The following SOCS7 variants were observed in gnomAD, a reference collection of about 807,000 sequenced individuals.
The protein encoded by SOCS7 is NAP-4.
SOCS7 carries 18 observed loss-of-function variants against 58.9 expected under a neutral mutation model. That is an observed-to-expected ratio of 0.31 (90% CI 0.21 to 0.45). The LOEUF (loss-of-function observed/expected upper bound fraction) is 0.45. SOCS7 is among the 20% of genes least tolerant of loss of function. The pLI is 1.00. For missense variants in SOCS7, 667 were observed against 837.3 expected (o/e 0.80, Z 2.51); for synonymous variants, 388 against 364.3 (o/e 1.06, Z -0.74).
chr17:38,352,730 G>A lies in SOCS7; in HGVS notation c.678G>A (p.Val226=). The change falls in exon 1 of 10, where the codon GTG becomes GTA. Residue 226 remains valine, a synonymous_variant. Transcript: ENST00000612932. The surrounding 1 kb of genome is among the most constrained non-coding windows in gnomAD (Gnocchi z 5.5). ...CCCCAGGCCCTGAATTACCTCCGGT[G>A]CCCTTCCCGCTGCAGGACTTGGTCC... The part of the protein sequence containing the change: ...LQPPGPELPP[V]PFPLQDLVPL... 1 of 1,549,964 alleles carries A rather than the reference G, an allele frequency of 6.5e-7. No individual in the cohort carries two copies. The highest frequency in any genetic ancestry group is 8.7e-7 in the Non-Finnish European group (1 of 1,146,926).
chr17:38,393,830 G>A (rs2038209057), intron 7 of SOCS7, among the ~76,000 whole-genome samples: 1 of 146,844 alleles, frequency 6.8e-6, no homozygotes, highest in East Asian at 2.1e-4. Context: ...AACCCGGGAG[G>A]CAGAGCTTGT....
chr17:38,398,331 C>T (rs2038271111), intron 9 of SOCS7, among the ~76,000 whole-genome samples: 1 of 150,102 alleles, frequency 6.7e-6, no homozygotes, highest in Non-Finnish European at 1.5e-5. Flanking sequence ...CAACCTCCAT[C>T]TCCCGGGTTC....
chr17:38,381,260 C>T (rs2037996918), intron 7 of SOCS7, among the ~76,000 whole-genome samples: 1 of 152,184 alleles, frequency 6.6e-6, no homozygotes, highest in East Asian at 1.9e-4. Context: ...AGGATAGGGC[C>T]AAAGAAGACA....
chr17:38,372,936 A>G (rs1597695833), intron 6 of SOCS7, among the ~76,000 whole-genome samples: 1 of 152,056 alleles, frequency 6.6e-6, no homozygotes, highest in African/African-American at 2.4e-5. Context: ...GAGAAACCCC[A>G]TCTCTACTAA....
chr17:38,395,185 C>G (rs2038229188), intron 7 of SOCS7, 124 bp from the exon 8 acceptor site: 3 of 924,130 alleles, frequency 3.2e-6, no homozygotes, highest in Non-Finnish European at 4.8e-6. Flanking sequence ...GGGGCTTTTG[C>G]ACAGAATACA....
intron 2 of SOCS7, among the ~76,000 whole-genome samples, chr17:38,362,833 G>A (rs587601900): frequency 2.0e-5 from 3 of 152,272 alleles, no homozygotes; most frequent in African/African-American, 7.2e-5. Flanking sequence ...GCTTGGTCAC[G>A]GTCACGGTGG....
intron 1 of SOCS7, among the ~76,000 whole-genome samples, chr17:38,357,737 G>T (rs2037659313): frequency 6.6e-6 from 1 of 152,202 alleles, no homozygotes; most frequent in South Asian, 2.1e-4. Flanking sequence ...GAGGTACATT[G>T]GAGCCATAAA....
chr17:38,377,609 A>C, intron 6 of SOCS7, 105 bp from the exon 7 acceptor site: 2 of 1,089,164 alleles, frequency 1.8e-6, no homozygotes, highest in Non-Finnish European at 1.3e-6. Flanking sequence ...CTTGCCCCCA[A>C]ACTGCCCTCC....
chr17:38,375,685 C>T (rs1230409688), intron 6 of SOCS7, among the ~76,000 whole-genome samples: 1 of 151,938 alleles, frequency 6.6e-6, no homozygotes, highest in Non-Finnish European at 1.5e-5. Context: ...GATGTTGGGC[C>T]ATTGGGATAG....
intron 2 of SOCS7, among the ~76,000 whole-genome samples, chr17:38,362,776 A>G (rs587649175): frequency 1.3e-5 from 2 of 152,296 alleles, no homozygotes; most frequent in Admixed American, 1.3e-4. Context: ...TTGCGATACC[A>G]TGTCTTTCTA....
chr17:38,352,665 G>C lies in SOCS7; in HGVS notation c.613G>C (p.Gly205Arg). ...CTCGGAAGAGGAGCTCAGCAGCCCG[G>C]GTCGCGGAGGAGGAGGGGGCGGCCG... ...SCSEEELSSPGRGGGGGGRLL... is the reference protein window; with the variant it reads ...SCSEEELSSPRRGGGGGGRLL... Residue 205 changes from glycine to arginine, a missense_variant, in exon 1 of 10, where the codon GGT (glycine) becomes CGT (arginine). Physicochemically the swap from Gly to Arg is moderately radical, Grantham distance 125. Transcript: ENST00000612932. The surrounding 1 kb of genome is among the most constrained non-coding windows in gnomAD (Gnocchi z 5.5). 1.3e-6 allele frequency: 2 copies of C among 1,549,986 alleles called. No individual in the cohort carries two copies. The highest frequency in any genetic ancestry group is 1.7e-6 in the Non-Finnish European group (2 of 1,146,854).
chr17:38,361,122 T>C (rs1040190646), intron 1 of SOCS7, among the ~76,000 whole-genome samples: 3 of 152,144 alleles, frequency 2.0e-5, no homozygotes, highest in Non-Finnish European at 4.4e-5. Context: ...TCTTGGATGC[T>C]AGGCAGAGCC....
Position 38,352,100 on chromosome 17 carries a change from T to G in SOCS7, c.48T>G (p.Ala16=). Residue 16 remains alanine, a synonymous_variant, in exon 1 of 10, where the codon GCT becomes GCG. Transcript: ENST00000612932. The surrounding 1 kb of genome is among the most constrained non-coding windows in gnomAD (Gnocchi z 5.5). ...ATGGCGAGGCGGCGGCGGCGGCCGC[T>G]TCGTACCGCGTCCTGAGCCGCCTCC... ...LRDGEAAAAA[A]SYRVLSRLLG... 12 of 555,040 alleles carry G rather than the reference T, an allele frequency of 2.2e-5. No individual in the cohort carries two copies. Among genetic ancestry groups the G allele is most frequent in the East Asian group, 1.3e-4 (2 of 15,106 alleles). The allele number at this position is 555,040 out of a possible 1,614,324, so 34.4% of individuals were successfully genotyped here.
intron 7 of SOCS7, among the ~76,000 whole-genome samples, chr17:38,383,229 T>C (rs1032394709): frequency 6.6e-6 from 1 of 152,160 alleles, no homozygotes; most frequent in Non-Finnish European, 1.5e-5. Flanking sequence ...ATGGGGATGA[T>C]TATAGTACCT....
Position 38,377,762 on chromosome 17 carries a change from C to A in SOCS7, c.1601C>A (p.Ser534Tyr). The A allele has an allele frequency of 6.2e-7, 1 of 1,613,064 alleles. No homozygotes were observed. ...CHPKFEDRCQ[S>Y]VVEFIKRAIM... is the part of the protein sequence containing the mutation. Reference sequence around the variant, plus strand: ...CCCAAGTTTGAGGACCGCTGTCAATCTGTTGTAGAGTTTATTAAGAGAGCC... The same window carrying A: ...CCCAAGTTTGAGGACCGCTGTCAATATGTTGTAGAGTTTATTAAGAGAGCC... Residue 534 changes from serine (S) to tyrosine (Y), a missense_variant, in exon 7 of 10, where the codon TCT (serine) becomes TAT (tyrosine). This residue lies in a region of SOCS7 where 76 missense variants were observed against 194.5 expected (regional missense o/e 0.39). Transcript: ENST00000612932.
rs1302000279 is a variant in SOCS7, at chr17:38,403,762, G to A, written c.*4280G>A. On this transcript the variant is annotated 3_prime_UTR_variant, in exon 10 of 10. Coordinates refer to ENST00000612932, the MANE Select transcript of SOCS7 (RefSeq NM_014598.4). ...ATGTAAGGGAGGAGCTATTGAGTTAGACATTTTCCCTATGGGAATCCTCGG... is the reference window on the plus strand; with the variant it reads ...ATGTAAGGGAGGAGCTATTGAGTTAAACATTTTCCCTATGGGAATCCTCGG... 1 of 152,170 alleles carries A rather than the reference G, an allele frequency of 6.6e-6. No individual in the cohort carries two copies. The highest frequency in any genetic ancestry group is 2.4e-5 in the African/African-American group (1 of 41,442). 9.4% of individuals were successfully genotyped at this position (152,170 alleles called of 1,614,324 possible).
At chr17:38,363,614 T>C (rs1271155685) in intron 2 of SOCS7, among the ~76,000 whole-genome samples, 1 of 152,176 alleles carries the variant, frequency 6.6e-6, no homozygotes, top group East Asian at 1.9e-4. Flanking sequence ...GAATTACAGG[T>C]GTGACCCACT....
intron 9 of SOCS7, 31 bp downstream of exon 9, chr17:38,396,029 C>G: frequency 6.5e-7 from 1 of 1,530,244 alleles, no homozygotes; most frequent in Non-Finnish European, 8.7e-7. Flanking sequence ...TGCCCAGCCA[C>G]ATTTCTTCCT....
In SOCS7 at chr17:38,392,104, T is replaced by G. The variant is rs6503562; in HGVS notation, c.1682-3205T>G. ...TCTTATCCTGGATTCTTCACATTTT[T>G]AACTGCTTCTGTTAGCATGCTCTAA... On this transcript the variant is annotated intron_variant, in intron 7 of 9. Transcript: ENST00000612932. Among the ~76,000 whole-genome samples the G allele has an allele frequency of 4.4e-3, 667 of 152,358 alleles. 6 individuals are homozygous for G. Among genetic ancestry groups the G allele is most frequent in the African/African-American group, 0.016 (647 of 41,580 alleles).
Sources: gnomAD v4.1 joint callset for allele counts (sites outside exome capture counted in the v4.1 genomes callset) on GRCh38, gnomAD v4.1.1 for gene constraint, gnomAD v4.1.1 regional missense constraint, Gnocchi (gnomAD v3.1) non-coding constraint, MANE v1.5 for transcripts, NCBI Gene and HGNC (gene_info 2026-07-23, HGNC 2026-07-21) for gene names.